Variants in TRIM49B observed in about 807,000 individuals in gnomAD.
TRIM49B encodes tripartite motif containing 49B.
TRIM49B carries 18 observed loss-of-function variants against 31.8 expected under a neutral mutation model. That is an observed-to-expected ratio of 0.57 (90% CI 0.39 to 0.84). TRIM49B has a LOEUF of 0.84. Among genes scored for constraint, TRIM49B ranks in the 40% least tolerant of loss-of-function variants. The pLI is 0.00. For synonymous variants in TRIM49B, 196 were observed against 180.6 expected (o/e 1.09, Z -0.68); for missense variants, 494 against 538.7 (o/e 0.92, Z 0.82).
rs1174797066 is a variant in TRIM49B, at chr11:49,031,576, T to A, written c.-4-20T>A. The A allele has an allele frequency of 6.2e-7, 1 of 1,611,584 alleles. No individual in the cohort carries two copies. Among genetic ancestry groups the A allele is most frequent in the Non-Finnish European group, 8.5e-7 (1 of 1,179,336 alleles). ...CATCAACCCAGGCCCCAAAATGACA[T>A]GTTTCTCTTTGTTCCTCAGAAACAT... On this transcript the variant is annotated intron_variant, in intron 1 of 6. Coordinates refer to ENST00000332682, the MANE Select transcript of TRIM49B (RefSeq NM_001206626.2).
intron 5 of TRIM49B, 101 bp from the exon 6 acceptor site, chr11:49,036,200 G>C: frequency 6.4e-7 from 1 of 1,561,898 alleles, no homozygotes; most frequent in Non-Finnish European, 8.7e-7. Context: ...TATCAAATGT[G>C]TAGATTCAAA....
chr11:49,035,887 G>T (rs1038631041), intron 5 of TRIM49B, among the ~76,000 whole-genome samples: 2 of 152,144 alleles, frequency 1.3e-5, no homozygotes, highest in African/African-American at 2.4e-5. Flanking sequence ...CTCTAGGGAA[G>T]TTCTTTGCTA....
rs1854530872 is a variant in TRIM49B, at chr11:49,036,381, G to A, written c.842G>A (p.Arg281Lys). The change falls in exon 6 of 7, where the codon AGG becomes AAG. Residue 281 changes from arginine to lysine, a missense_variant. By Grantham distance (26) the Arg-to-Lys change is conservative. Around this residue, in one of 3 missense-constraint regions of TRIM49B, gnomAD observed 233 missense variants for 281.4 expected, o/e 0.83. Coordinates refer to ENST00000332682, the MANE Select transcript of TRIM49B (RefSeq NM_001206626.2). ...GGGCCCATCACTGGACTGAGGGACA[G>A]GCTCAACCAATTCCGAGGTAAGTCT... Reference protein sequence around the residue: ...SAGPITGLRDRLNQFRVHITL... With the variant: ...SAGPITGLRDKLNQFRVHITL... 1 of 1,565,118 alleles carries A rather than the reference G, an allele frequency of 6.4e-7. No individual in the cohort carries two copies. The highest frequency in any genetic ancestry group is 2.3e-5 in the East Asian group (1 of 43,470).
chr11:49,034,820 G>A (rs2696918), intron 4 of TRIM49B, among the ~76,000 whole-genome samples: 122,688 of 152,004 alleles, frequency 0.81, 49,843 homozygotes, highest in African/African-American at 0.83. Context: ...TAGGTTTTTC[G>A]TGGTTACCAC....
intron 1 of TRIM49B, among the ~76,000 whole-genome samples, chr11:49,030,774 AT>A (rs1854433897): frequency 6.6e-6 from 1 of 152,186 alleles, no homozygotes; most frequent in African/African-American, 2.4e-5. Context: ...AGTCAGACTG[AT>A]ACCTAAAATT....
chr11:49,031,489 A>C (rs373357772), intron 1 of TRIM49B, 107 bp from the exon 2 acceptor site: 1 of 1,525,320 alleles, frequency 6.6e-7, no homozygotes, highest in Non-Finnish European at 8.8e-7. Flanking sequence ...TTGTACTTTA[A>C]TGAACACTGT....
Position 49,037,818 on chromosome 11 carries a change from A to G in TRIM49B, c.1200A>G (p.Gln400=), listed in dbSNP as rs1405103996. The G allele has an allele frequency of 4.3e-6, 7 of 1,613,930 alleles. No individual in the cohort carries two copies. Among genetic ancestry groups the G allele is most frequent in the Non-Finnish European group, 5.9e-6 (7 of 1,179,856 alleles). Residue 400 remains glutamine (Q), a synonymous_variant, in exon 7 of 7, where the codon CAA becomes CAG. Coordinates refer to ENST00000332682, the MANE Select transcript of TRIM49B (RefSeq NM_001206626.2). ...TTACCACCTCCCCACTTCTGCTGCA[A>G]TATATCCCAAGACCTACCAGCCGAG... is the stretch of plus-strand genomic sequence containing the variant. ...SLFTTSPLLL[Q]YIPRPTSRVG... is the part of the protein sequence containing the mutation.
rs1162056301 is a variant in TRIM49B at position 49,035,339 on chromosome 11, A to ATTTTTTTTTTTTTTTTTTTTTTTTTTTTT, written c.761+232_761+260dup. 5.3e-5 allele frequency among the ~76,000 whole-genome samples: 3 copies of ATTTTTTTTTTTTTTTTTTTTTTTTTTTTT among 56,774 alleles called. 1 individual carries two copies. Among genetic ancestry groups the ATTTTTTTTTTTTTTTTTTTTTTTTTTTTT allele is most frequent in the East Asian group, 1.3e-3 (2 of 1,584 alleles). The allele number at this position is 56,774 out of a possible 152,430, so 37.2% of individuals were successfully genotyped here. ...ACTAAAACAAACAATTTGATTCCTG[A>ATTTTTTTTTTTTTTTTTTTTTTTTTTTTT]TTTTTTTTTTTTTTTTTTTTTTTTT... On this transcript the variant is annotated intron_variant, in intron 5 of 6. Transcript: ENST00000332682.
Position 49,031,926 on chromosome 11 carries a change from C to G in TRIM49B, c.327C>G (p.Ser109Arg). Residue 109 changes from serine (S) to arginine (R), a missense_variant, in exon 2 of 7, where the codon AGC becomes AGG. This residue lies in a region of TRIM49B where 251 missense variants were observed against 232.8 expected (regional missense o/e 1.08). Coordinates refer to ENST00000332682, the MANE Select transcript of TRIM49B (RefSeq NM_001206626.2). Reference protein sequence around the residue: ...TKKMFCEVDRSLLCLLCSSSQ... With the variant: ...TKKMFCEVDRRLLCLLCSSSQ... ...AGATGTTCTGTGAAGTGGACAGGAG[C>G]CTGCTCTGTTTGCTGTGCTCCAGCT... The G allele has an allele frequency of 6.2e-7, 1 of 1,612,138 alleles. No individual in the cohort carries two copies. The highest frequency in any genetic ancestry group is 8.5e-7 in the Non-Finnish European group (1 of 1,179,846).
chr11:49,037,838 G>A lies in TRIM49B; in HGVS notation c.1220G>A (p.Ser407Asn), dbSNP rs1363231786. Residue 407 changes from serine (S) to asparagine (N), a missense_variant, in exon 7 of 7, where the codon AGC (serine) becomes AAC (asparagine). Around this residue, in one of 3 missense-constraint regions of TRIM49B, gnomAD observed 233 missense variants for 281.4 expected, o/e 0.83. Transcript: ENST00000332682. ...CTGCAATATATCCCAAGACCTACCA[G>A]CCGAGTAGGATTATTCCTGGATTGT... ...LLLQYIPRPT[S>N]RVGLFLDCEA... 5 of 1,613,826 alleles carry A rather than the reference G, an allele frequency of 3.1e-6. No individual in the cohort carries two copies. In the African/African-American group the frequency reaches 6.7e-5, roughly 22 times the overall value.
intron 1 of TRIM49B, among the ~76,000 whole-genome samples, 165 bp from the exon 2 acceptor site, chr11:49,031,431 C>T (rs1412401200): frequency 6.6e-6 from 1 of 152,178 alleles, no homozygotes; most frequent in Non-Finnish European, 1.5e-5. Context: ...AGCCAGGAGA[C>T]TCCCTCTATG....
At chr11:49,029,396 A>G (rs533627320) in intron 1 of TRIM49B, among the ~76,000 whole-genome samples, 16 of 152,342 alleles carry the variant, frequency 1.1e-4, no homozygotes, top group African/African-American at 3.6e-4. Context: ...TGAACGATGC[A>G]AAATAGTGAA....
Position 49,032,000 on chromosome 11 carries a change from A to C in TRIM49B, c.401A>C (p.Glu134Ala), listed in dbSNP as rs1384396628. 6.2e-7 allele frequency: 1 copy of C among 1,612,024 alleles called. No individual in the cohort carries two copies. Among genetic ancestry groups the C allele is most frequent in the Non-Finnish European group, 8.5e-7 (1 of 1,179,860 alleles). Residue 134 changes from glutamate (E) to alanine (A), a missense_variant, in exon 2 of 7, where the codon GAG becomes GCG. Glu to Ala is a moderately radical substitution (Grantham distance 107). Transcript: ENST00000332682. Reference protein sequence around the residue: ...HRHCPIESAAEEHQEKLLQKM... With the variant: ...HRHCPIESAAAEHQEKLLQKM... ...CACTGTCCCATTGAGTCGGCTGCTG[A>C]GGAACACCAGGTAAGTGATGGCTCT...
chr11:49,030,755 G>C (rs1795802114), intron 1 of TRIM49B, among the ~76,000 whole-genome samples: 2 of 152,028 alleles, frequency 1.3e-5, no homozygotes, highest in Non-Finnish European at 1.5e-5. Context: ...CCTAGGTATT[G>C]GTTAATCCAG....
chr11:49,034,901 C>A (rs1343977891), intron 4 of TRIM49B, among the ~76,000 whole-genome samples, 194 bp from the exon 5 acceptor site: 1 of 152,104 alleles, frequency 6.6e-6, no homozygotes, highest in African/African-American at 2.4e-5. Flanking sequence ...CAGACTTTCC[C>A]AGGACGTTAA....
At chr11:49,029,171 A>G (rs1215667322) in intron 1 of TRIM49B, among the ~76,000 whole-genome samples, 196 bp downstream of exon 1, 2 of 152,166 alleles carry the variant, frequency 1.3e-5, no homozygotes, top group Non-Finnish European at 2.9e-5. Context: ...ATAGTTCTGA[A>G]AAACAAAATA....
Position 49,031,829 on chromosome 11 carries a change from C to T in TRIM49B, c.230C>T (p.Ala77Val). Residue 77 changes from alanine (A) to valine (V), a missense_variant, in exon 2 of 7, where the codon GCT becomes GTT. By Grantham distance (64) the Ala-to-Val change is moderately conservative. This residue lies in a region of TRIM49B where 251 missense variants were observed against 232.8 expected (regional missense o/e 1.08). Coordinates refer to ENST00000332682, the MANE Select transcript of TRIM49B (RefSeq NM_001206626.2). ...NIHFKKMASL[A>V]RKVSLWLFLS... Reference sequence around the variant, plus strand: ...CATTTCAAGAAGATGGCTTCTCTTGCTAGAAAAGTCAGTCTCTGGCTATTC... The same window carrying T: ...CATTTCAAGAAGATGGCTTCTCTTGTTAGAAAAGTCAGTCTCTGGCTATTC... 1.9e-6 allele frequency: 3 copies of T among 1,613,960 alleles called. No individual in the cohort carries two copies. In the South Asian group the frequency reaches 3.3e-5, roughly 18 times the overall value.
At chr11:49,034,015 T>C in intron 3 of TRIM49B, 131 bp from the exon 4 acceptor site, 1 of 1,499,154 alleles carries the variant, frequency 6.7e-7, no homozygotes, top group Non-Finnish European at 9.2e-7. Context: ...AGGAACAAAA[T>C]TTGTAGATTC....
Position 49,036,329 on chromosome 11 carries a change from C to A in TRIM49B, c.790C>A (p.Gln264Lys), listed in dbSNP as rs1565093128. ...RSESVLLHMP[Q>K]PLNPELSAGP... Reference sequence around the variant, plus strand: ...TGAGTCCGTGCTGCTGCACATGCCCCAGCCTCTGAATCCAGAGCTCAGTGC... The same window carrying A: ...TGAGTCCGTGCTGCTGCACATGCCCAAGCCTCTGAATCCAGAGCTCAGTGC... Residue 264 changes from glutamine to lysine, a missense_variant, in exon 6 of 7, where the codon CAG becomes AAG. Gln to Lys is a moderately conservative substitution (Grantham distance 53). Coordinates refer to ENST00000332682, the MANE Select transcript of TRIM49B (RefSeq NM_001206626.2). 2 of 1,566,558 alleles carry A rather than the reference C, an allele frequency of 1.3e-6. No homozygotes were observed. Among genetic ancestry groups the A allele is most frequent in the African/African-American group, 1.4e-5 (1 of 73,376 alleles).
Sources: allele counts gnomAD v4.1 joint callset (sites outside exome capture counted in the v4.1 genomes callset), GRCh38; gene constraint gnomAD v4.1.1; regional missense constraint gnomAD v4.1.1; transcripts MANE v1.5; gene names NCBI Gene and HGNC (gene_info 2026-07-23, HGNC 2026-07-21).